ADGRV1: variants seen among roughly 807,000 people sequenced by gnomAD.
ADGRV1 encodes G-protein coupled receptor 98.
ADGRV1 carries 359 observed loss-of-function variants against 596.2 expected under a neutral mutation model. The observed-to-expected ratio is 0.60, with a 90% CI of 0.55 to 0.66. The LOEUF is 0.66. Ranked by LOEUF, ADGRV1 falls within the 30% of genes least tolerant of loss-of-function variation. The pLI is 0.00. For synonymous variants in ADGRV1, 2,681 were observed against 2,679.2 expected (o/e 1.00, Z -0.02); for missense variants, 7,274 against 7,575.6 (o/e 0.96, Z 1.48).
intron 89 of ADGRV1, among the ~76,000 whole-genome samples, chr5:91,160,826 T>G (rs1170023574): frequency 2.0e-5 from 3 of 152,178 alleles, no homozygotes. Context: ...GATGAGTATC[T>G]GGATATTTGT....
intron 83 of ADGRV1, among the ~76,000 whole-genome samples, chr5:90,887,661 A>T: frequency 6.6e-6 from 1 of 152,190 alleles, no homozygotes; most frequent in East Asian, 1.9e-4. Flanking sequence ...AGAAGTGTTT[A>T]TATGGGAAAC....
chr5:90,840,152 C>G (rs948222962), intron 77 of ADGRV1, among the ~76,000 whole-genome samples: 8 of 152,234 alleles, frequency 5.3e-5, no homozygotes, highest in Admixed American at 4.6e-4. Flanking sequence ...CTTCTGCTTT[C>G]CTCCCCTCTG....
chr5:91,024,677 C>T (rs1279999844), intron 85 of ADGRV1, among the ~76,000 whole-genome samples: 4 of 152,086 alleles, frequency 2.6e-5, no homozygotes, highest in Non-Finnish European at 5.9e-5. Context: ...TTACTTTGTT[C>T]TCTCAGAATA....
chr5:90,741,622 CT>C (rs919539778), intron 50 of ADGRV1, among the ~76,000 whole-genome samples: 28 of 152,044 alleles, frequency 1.8e-4, no homozygotes, highest in African/African-American at 6.5e-4. Flanking sequence ...ATAGAATTCT[CT>C]TTAAAGATTT....
At chr5:91,033,696 C>T (rs1784653508) in intron 85 of ADGRV1, among the ~76,000 whole-genome samples, 1 of 152,158 alleles carries the variant, frequency 6.6e-6, no homozygotes, top group South Asian at 2.1e-4. Context: ...TCCTATTACC[C>T]AGTGTGACAT....
At chr5:91,049,263 A>T (rs889678095) in intron 85 of ADGRV1, among the ~76,000 whole-genome samples, 1 of 152,118 alleles carries the variant, frequency 6.6e-6, no homozygotes, top group South Asian at 2.1e-4. Flanking sequence ...TTGTTTATGG[A>T]TTTGTCACTG....
At chr5:90,830,677 A>G (rs1351132674) in intron 77 of ADGRV1, among the ~76,000 whole-genome samples, 1 of 152,208 alleles carries the variant, frequency 6.6e-6, no homozygotes, top group Non-Finnish European at 1.5e-5. Context: ...GCACTTATTT[A>G]TGGAACAATA....
intron 21 of ADGRV1, among the ~76,000 whole-genome samples, chr5:90,661,580 A>G (rs1459975002): frequency 1.3e-5 from 2 of 152,200 alleles, no homozygotes; most frequent in Non-Finnish European, 2.9e-5. Context: ...GGTTCAGAAT[A>G]CTGCATTATT....
chr5:91,116,027 C>T (rs1792824575), intron 87 of ADGRV1, among the ~76,000 whole-genome samples: 1 of 152,108 alleles, frequency 6.6e-6, no homozygotes, highest in Admixed American at 6.6e-5. Context: ...AAATGGATAG[C>T]ACTCCAGGAA....
At chr5:90,613,939 G>A (rs1280374591) in intron 1 of ADGRV1, among the ~76,000 whole-genome samples, 3 of 152,018 alleles carry the variant, frequency 2.0e-5, no homozygotes, top group South Asian at 2.1e-4. Flanking sequence ...TTTAAAACAC[G>A]TGAACTTTTT....
chr5:90,625,292 G>GACTGTGTCCTGCA, intron 6 of ADGRV1, 49 bp downstream of exon 6: 1 of 1,176,254 alleles, frequency 8.5e-7, no homozygotes, highest in Non-Finnish European at 1.3e-6. Flanking sequence ...TGTGTTGCAG[G>GACTGTGTCCTGCA]ACACAGTCCT....
chr5:90,653,995 T>C (rs534167976), intron 20 of ADGRV1, 43 bp downstream of exon 20: 211 of 1,545,958 alleles, frequency 1.4e-4, no homozygotes, highest in Non-Finnish European at 1.8e-4. Flanking sequence ...ATTTGCAGTT[T>C]CTAAAATTTT....
intron 50 of ADGRV1, among the ~76,000 whole-genome samples, chr5:90,735,270 C>T (rs1267188347): frequency 6.6e-6 from 1 of 152,136 alleles, no homozygotes; most frequent in East Asian, 1.9e-4. Context: ...ATTGAATAGA[C>T]TCTCTTTCTT....
intron 1 of ADGRV1, among the ~76,000 whole-genome samples, chr5:90,595,857 C>G (rs970823397): frequency 6.6e-6 from 1 of 150,424 alleles, no homozygotes; most frequent in African/African-American, 2.5e-5. Flanking sequence ...CCACCTCCCT[C>G]CCGGACGGGG....
At chr5:90,836,092 G>A (rs1250444180) in intron 77 of ADGRV1, among the ~76,000 whole-genome samples, 1 of 152,168 alleles carries the variant, frequency 6.6e-6, no homozygotes, top group Non-Finnish European at 1.5e-5. Flanking sequence ...ACCAAATGCT[G>A]GTGAGAATTC....
At chr5:90,918,764 C>T (rs1200271927) in intron 83 of ADGRV1, among the ~76,000 whole-genome samples, 1 of 152,144 alleles carries the variant, frequency 6.6e-6, no homozygotes, top group Non-Finnish European at 1.5e-5. Flanking sequence ...ATTATTTAAA[C>T]CATTATTTTA....
At chr5:90,970,233 G>A (rs113096665) in intron 84 of ADGRV1, among the ~76,000 whole-genome samples, 1,816 of 152,284 alleles carry the variant, frequency 0.012, 17 homozygotes, top group Non-Finnish European at 0.02. Context: ...AGGGAAGCTC[G>A]TACTGGGTGG....
rs770296393 is a variant in ADGRV1 at position 90,653,322 on chromosome 5, GA to G, written c.3749del (p.Glu1250GlyfsTer23). On this transcript the variant is annotated frameshift_variant, in exon 20 of 90. Transcript: ENST00000405460. LOFTEE classifies it high-confidence loss of function. ...GVFILDPECL[E>X]REVAEDVLSE... ...TTTTATCTTGGATCCAGAGTGTTTA[GA>G]GAGAGAAGTGGCAGAAGATGTCCTG... The G allele has an allele frequency of 6.2e-7, 1 of 1,613,942 alleles. No individual in the cohort carries two copies. The highest frequency in any genetic ancestry group is 1.1e-5 in the South Asian group (1 of 91,078).
intron 85 of ADGRV1, chr5:91,031,402 C>T (rs1006080708): frequency 5.7e-5 from 55 of 967,576 alleles, no homozygotes; most frequent in Non-Finnish European, 8.1e-5. Flanking sequence ...GCCATGGTCC[C>T]GAAAACCTTC....
Sources: allele counts gnomAD v4.1 joint callset (sites outside exome capture counted in the v4.1 genomes callset), GRCh38; gene constraint gnomAD v4.1.1; transcripts MANE v1.5; gene names NCBI Gene and HGNC (gene_info 2026-07-23, HGNC 2026-07-21).